The following HTT variants were observed in gnomAD, a reference collection of about 807,000 sequenced individuals.
HTT encodes huntington disease protein.
A neutral mutation model predicts 362.3 loss-of-function variants in HTT; 104 were observed. The ratio of observed to expected loss-of-function variants is 0.29; its 90% CI spans 0.24 to 0.34. The LOEUF is 0.34. Ranked by LOEUF, HTT falls within the 10% of genes least tolerant of loss-of-function variation. The probability of loss-of-function intolerance (pLI) is 1.00; values close to 1 mark genes in which losing one functional copy is unlikely to be tolerated. For missense variants in HTT, 3,301 were observed against 3,928.6 expected, an observed-to-expected ratio of 0.84 and a Z score of 4.27; for synonymous variants, 1,577 against 1,548.7, an observed-to-expected ratio of 1.02 and a Z score of -0.43.
chr4:3,194,166 G>A (rs1719143039), intron 40 of HTT, among the ~76,000 whole-genome samples: 1 of 152,202 alleles, frequency 6.6e-6, no homozygotes, highest in Non-Finnish European at 1.5e-5. Flanking sequence ...AACCGAAAAT[G>A]AAGACCTTTA....
Position 3,208,829 on chromosome 4 carries a change from C to T in HTT, c.6209C>T (p.Ser2070Leu), listed in dbSNP as rs1719996487. The change falls in exon 46 of 67, where the codon TCA becomes TTA. Residue 2070 changes from serine (S) to leucine (L), a missense_variant. Around this residue, in one of 4 missense-constraint regions of HTT, gnomAD observed 2,316 missense variants for 2,658.5 expected, o/e 0.87. Transcript: ENST00000355072. ...DRFRLSTMQDSLSPSPPVSSH... is the reference protein window; with the variant it reads ...DRFRLSTMQDLLSPSPPVSSH... ...TTTCGTCTCTCCACCATGCAAGACT[C>T]ACTTAGTCCCTCTCCTCCAGTCTCT... is the stretch of plus-strand genomic sequence containing the variant. 6.2e-7 allele frequency: 1 copy of T among 1,614,116 alleles called. No homozygotes were observed. Among genetic ancestry groups the T allele is most frequent in the Non-Finnish European group, 8.5e-7 (1 of 1,179,962 alleles).
Position 3,074,798 on chromosome 4 carries a change from G to A in HTT, c.-28G>A. 1 of 1,509,970 alleles carries A rather than the reference G, an allele frequency of 6.6e-7. No individual in the cohort carries two copies. The highest frequency in any genetic ancestry group is 8.8e-7 in the Non-Finnish European group (1 of 1,135,282). The allele number at this position is 1,509,970 out of a possible 1,614,324, so 93.5% of individuals were successfully genotyped here. A position where few individuals can be genotyped will look rare whatever the true frequency, so the allele number is the denominator to read the frequency against. ...CCGCGAGTCGGCCCGAGGCCTCCGG[G>A]GACTGCCGTGCCGGGCGGGAGACCG... On this transcript the variant is annotated 5_prime_UTR_variant, in exon 1 of 67. Transcript: ENST00000355072.
chr4:3,134,331 C>G, intron 18 of HTT, 70 bp from the exon 19 acceptor site: 3 of 1,406,460 alleles, frequency 2.1e-6, no homozygotes, highest in South Asian at 1.4e-5. Flanking sequence ...TGACGGTTCT[C>G]AAACCGTCAA....
At chr4:3,108,953 C>G (rs1299172885) in intron 6 of HTT, among the ~76,000 whole-genome samples, 1 of 151,874 alleles carries the variant, frequency 6.6e-6, no homozygotes, top group African/African-American at 2.4e-5. Flanking sequence ...GAGGCTGAGA[C>G]AGGAGGCTCG....
intron 6 of HTT, among the ~76,000 whole-genome samples, chr4:3,110,429 A>G (rs1304246176): frequency 6.6e-6 from 1 of 152,148 alleles, no homozygotes; most frequent in Non-Finnish European, 1.5e-5. Flanking sequence ...GTTGATCTTC[A>G]GGTCTGTAGT....
intron 37 of HTT, among the ~76,000 whole-genome samples, chr4:3,184,755 C>T (rs994293708): frequency 5.3e-5 from 8 of 151,888 alleles, no homozygotes; most frequent in African/African-American, 1.7e-4. Flanking sequence ...CTGGAGTTGT[C>T]GAGAGACTGT....
At chr4:3,223,844 C>T (rs890349724) in intron 55 of HTT, 148 bp from the exon 56 acceptor site, 4 of 792,552 alleles carry the variant, frequency 5.0e-6, no homozygotes, top group African/African-American at 3.5e-5. Context: ...CACTTAAGGG[C>T]TCACGGACAG....
At chr4:3,167,994 G>A (rs778298328) in intron 29 of HTT, among the ~76,000 whole-genome samples, 2 of 152,158 alleles carry the variant, frequency 1.3e-5, no homozygotes, top group African/African-American at 2.4e-5. Flanking sequence ...TACTTTGGAA[G>A]CCTCACCTGC....
chr4:3,210,026 G>A, intron 47 of HTT, 77 bp downstream of exon 47: 3 of 1,556,568 alleles, frequency 1.9e-6, no homozygotes, highest in Non-Finnish European at 2.6e-6. Flanking sequence ...TCATCATCAT[G>A]TGACCCACTT....
chr4:3,114,619 A>C (rs972599666), intron 6 of HTT, among the ~76,000 whole-genome samples: 1 of 152,230 alleles, frequency 6.6e-6, no homozygotes, highest in Admixed American at 6.5e-5. Context: ...GGCTCAGAGC[A>C]TAGTTTTGAA....
chr4:3,149,275 A>G (rs922252273), intron 26 of HTT, among the ~76,000 whole-genome samples: 34 of 152,112 alleles, frequency 2.2e-4, no homozygotes, highest in African/African-American at 8.0e-4. Context: ...AATGGATTTA[A>G]GATAGACCAG....
Position 3,238,724 on chromosome 4 carries a change from C to T in HTT, c.9055-94C>T. On this transcript the variant is annotated intron_variant, in intron 65 of 66. Coordinates refer to ENST00000355072, the MANE Select transcript of HTT (RefSeq NM_001388492.1). ...GCTCCTCCGCTTTAAAGCAGCAATG[C>T]CTCTGGCCCCCACCCCACCCCCGCC... The T allele has an allele frequency of 2.0e-5, 26 of 1,318,474 alleles. 1 individual carries two copies. The highest frequency in any genetic ancestry group is 2.4e-5 in the Non-Finnish European group (23 of 948,228). The allele number at this position is 1,318,474 out of a possible 1,614,324, so 81.7% of individuals were successfully genotyped here. A position where few individuals can be genotyped will look rare whatever the true frequency, so the allele number is the denominator to read the frequency against.
chr4:3,152,403 A>G lies in HTT; in HGVS notation c.3499-1890A>G, dbSNP rs532024748. 4.3e-3 allele frequency among the ~76,000 whole-genome samples: 654 copies of G among 151,844 alleles called. 2 individuals carry two copies. The highest frequency in any genetic ancestry group is 6.8e-3 in the Middle Eastern group (2 of 294). On this transcript the variant is annotated intron_variant, in intron 26 of 66. Transcript: ENST00000355072. Reference sequence around the variant, plus strand: ...GTGAGCTACCGCTCCCAGCCAGGAAACAGCATTCTTGAGATAATTCATATA... The same window carrying G: ...GTGAGCTACCGCTCCCAGCCAGGAAGCAGCATTCTTGAGATAATTCATATA...
intron 53 of HTT, among the ~76,000 whole-genome samples, chr4:3,220,523 C>T (rs1190661290): frequency 6.6e-6 from 1 of 152,214 alleles, no homozygotes; most frequent in Non-Finnish European, 1.5e-5. Flanking sequence ...GCTTGAATCC[C>T]AGCTTTGTGT....
At chr4:3,081,560 T>G (rs991676366) in intron 1 of HTT, among the ~76,000 whole-genome samples, 2 of 129,246 alleles carry the variant, frequency 1.5e-5, no homozygotes, top group Non-Finnish European at 3.2e-5. Flanking sequence ...CTTTTTTTTT[T>G]TTTTTTTTTT....
intron 29 of HTT, among the ~76,000 whole-genome samples, chr4:3,165,241 A>T (rs1717643174): frequency 6.6e-6 from 1 of 152,160 alleles, no homozygotes; most frequent in African/African-American, 2.4e-5. Context: ...AATGTTGAAT[A>T]TTGGCTCCCA....
chr4:3,142,027 A>G (rs1222806994), intron 22 of HTT, among the ~76,000 whole-genome samples: 1 of 152,250 alleles, frequency 6.6e-6, no homozygotes, highest in Non-Finnish European at 1.5e-5. Context: ...CAACTGAGAT[A>G]TCATTAAAAT....
Position 3,242,601 on chromosome 4 carries a change from C to T in HTT, c.*2542C>T, listed in dbSNP as rs112989843. On this transcript the variant is annotated 3_prime_UTR_variant, in exon 67 of 67. Transcript: ENST00000355072. ...TCATTGCCCACTAGGATCCCACTGG[C>T]GAAGATGGTCTCCATATCAGCTCTC... 1 of 152,058 alleles carries T rather than the reference C, an allele frequency of 6.6e-6. No individual in the cohort carries two copies. The highest frequency in any genetic ancestry group is 2.1e-4 in the South Asian group (1 of 4,822). The allele number at this position is 152,058 out of a possible 1,614,324, so 9.4% of individuals were successfully genotyped here. A position where few individuals can be genotyped will look rare whatever the true frequency, so the allele number is the denominator to read the frequency against.
At chr4:3,088,470 G>A (rs936338334) in intron 2 of HTT, among the ~76,000 whole-genome samples, 4 of 152,086 alleles carry the variant, frequency 2.6e-5, no homozygotes, top group African/African-American at 7.2e-5. Context: ...CACCGCGCCC[G>A]GCCCTCTCTT....
Sources: allele counts gnomAD v4.1 joint callset (sites outside exome capture counted in the v4.1 genomes callset), GRCh38; gene constraint gnomAD v4.1.1; regional missense constraint gnomAD v4.1.1; transcripts MANE v1.5; gene names NCBI Gene and HGNC (gene_info 2026-07-23, HGNC 2026-07-21).